The following LRRC2 variants were observed in gnomAD, a reference collection of about 807,000 sequenced individuals.
LRRC2 encodes leucine rich repeat containing 2, also known as leucine-rich repeat-containing protein 2.
LRRC2 carries 27 observed loss-of-function variants against 40.2 expected under a neutral mutation model. The ratio of observed to expected loss-of-function variants is 0.67; its 90% CI spans 0.49 to 0.93. The LOEUF is 0.93. Ranked by LOEUF, LRRC2 falls within the 40% of genes least tolerant of loss-of-function variation. The pLI, the probability that LRRC2 is intolerant of heterozygous loss-of-function variation, is 0.00. For missense variants in LRRC2, 402 were observed against 439.6 expected, an observed-to-expected ratio of 0.91 and a Z score of 0.76; for synonymous variants, 147 against 158.9, an observed-to-expected ratio of 0.92 and a Z score of 0.56.
At chr3:46,525,005 A>G (rs1347793070) in intron 7 of LRRC2, among the ~76,000 whole-genome samples, 5 of 151,940 alleles carry the variant, frequency 3.3e-5, no homozygotes, top group African/African-American at 9.7e-5. Context: ...TTCTCTTCCA[A>G]TAACTCACCT....
At chr3:46,565,233 G>A (rs1482073456) in intron 1 of LRRC2, among the ~76,000 whole-genome samples, 4 of 152,150 alleles carry the variant, frequency 2.6e-5, no homozygotes, top group South Asian at 2.1e-4. Context: ...CTGCCTGGGC[G>A]GGAGCCCTGC....
intron 4 of LRRC2, among the ~76,000 whole-genome samples, chr3:46,535,838 G>A (rs1198023419): frequency 6.6e-6 from 1 of 152,140 alleles, no homozygotes; most frequent in Non-Finnish European, 1.5e-5. Flanking sequence ...AATGGCTAGT[G>A]AATGCCAGGG....
At chr3:46,557,208 G>T (rs558712908) in intron 1 of LRRC2, among the ~76,000 whole-genome samples, 1 of 152,032 alleles carries the variant, frequency 6.6e-6, no homozygotes, top group Non-Finnish European at 1.5e-5. Context: ...GTAAATGGCC[G>T]GTCCTTGCCT....
chr3:46,532,998 T>C, intron 4 of LRRC2, 89 bp from the exon 5 acceptor site: 1 of 1,294,848 alleles, frequency 7.7e-7, no homozygotes, highest in Non-Finnish European at 1.1e-6. Context: ...AACAGCTCTG[T>C]AAATAATGAT....
chr3:46,533,795 C>CTTTG (rs1271091101), intron 4 of LRRC2, among the ~76,000 whole-genome samples: 31 of 130,358 alleles, frequency 2.4e-4, no homozygotes, highest in Non-Finnish European at 3.9e-4. Flanking sequence ...TTCTTTCTTT[C>CTTTG]TTTGTTTCTT....
At chr3:46,538,722 G>C (rs1018765889) in intron 4 of LRRC2, among the ~76,000 whole-genome samples, 2 of 152,166 alleles carry the variant, frequency 1.3e-5, no homozygotes, top group African/African-American at 4.8e-5. Flanking sequence ...TTTCTAATAA[G>C]CATACTGCAC....
intron 4 of LRRC2, among the ~76,000 whole-genome samples, chr3:46,537,506 C>G (rs1704292826): frequency 6.6e-6 from 1 of 152,194 alleles, no homozygotes. Context: ...AATCTGGCTT[C>G]TAGCCCAGGC....
intron 8 of LRRC2, among the ~76,000 whole-genome samples, 191 bp from the exon 9 acceptor site, chr3:46,519,254 C>G (rs13099992): frequency 0.065 from 9,820 of 152,242 alleles, 472 homozygotes; most frequent in South Asian, 0.17. Flanking sequence ...CACAAATGTG[C>G]AGTCAAACTT....
chr3:46,529,653 G>A (rs566095395), intron 6 of LRRC2, among the ~76,000 whole-genome samples: 1 of 152,268 alleles, frequency 6.6e-6, no homozygotes, highest in South Asian at 2.1e-4. Flanking sequence ...ATTCTACGGA[G>A]ACTAAAGCAA....
rs146766759 is a variant in LRRC2, at chr3:46,521,584, C to A, written c.1004G>T (p.Arg335Leu). The A allele has an allele frequency of 1.2e-4, 196 of 1,612,938 alleles. 1 individual carries two copies. In the African/African-American group the frequency reaches 2.4e-3, roughly 20 times the overall value. Reference sequence around the variant, plus strand: ...TTCTTTATCAAAATGTTGGCGATCCCGTTCACTTTCCATTATTTCATTGCC... The same window carrying A: ...TTCTTTATCAAAATGTTGGCGATCCAGTTCACTTTCCATTATTTCATTGCC... ...EDGNEIMESERDRQHFDKEVM... is the reference protein window; with the variant it reads ...EDGNEIMESELDRQHFDKEVM... The change falls in exon 8 of 9, where the codon CGG becomes CTG. Residue 335 changes from arginine (R) to leucine (L), a missense_variant. Arg to Leu is a moderately radical substitution (Grantham distance 102). Coordinates refer to ENST00000395905, the MANE Select transcript of LRRC2 (RefSeq NM_024512.5).
intron 2 of LRRC2, among the ~76,000 whole-genome samples, chr3:46,548,767 C>A (rs962394141): frequency 6.6e-6 from 1 of 152,152 alleles, no homozygotes; most frequent in African/African-American, 2.4e-5. Flanking sequence ...TCATGGAAGA[C>A]AATTTTTCCA....
At chr3:46,528,344 T>C (rs1277743985) in intron 6 of LRRC2, among the ~76,000 whole-genome samples, 1 of 152,032 alleles carries the variant, frequency 6.6e-6, no homozygotes, top group Non-Finnish European at 1.5e-5. Flanking sequence ...TGGCCTAGCC[T>C]TGTCTTGAAC....
chr3:46,517,129 T>C lies in LRRC2; in HGVS notation c.*1885A>G, dbSNP rs974374358. ...GTGCTCAAGAATCACATGTGTCTGG[T>C]TTACCACGTTGGACAACGCAAATAC... is the stretch of plus-strand genomic sequence containing the variant. On this transcript the variant is annotated 3_prime_UTR_variant, in exon 9 of 9. Coordinates refer to ENST00000395905, the MANE Select transcript of LRRC2 (RefSeq NM_024512.5). 6.6e-6 allele frequency: 1 copy of C among 152,138 alleles called. No homozygotes were observed. Among genetic ancestry groups the C allele is most frequent in the Non-Finnish European group, 1.5e-5 (1 of 68,036 alleles). The allele number at this position is 152,138 out of a possible 1,614,324, so 9.4% of individuals were successfully genotyped here.
In LRRC2 at chr3:46,525,463, C is replaced by T. The variant is rs181724973; in HGVS notation, c.929+1963G>A. Among the ~76,000 whole-genome samples the T allele has an allele frequency of 5.3e-4, 80 of 152,096 alleles. 1 individual carries two copies. Among genetic ancestry groups the T allele is most frequent in the Non-Finnish European group, 1.3e-4 (9 of 67,994 alleles). ...ACAGTATCTCGCTATGTTACCCACA[C>T]CGATCTCGAACTCCTGAGCTAAAGC... On this transcript the variant is annotated intron_variant, in intron 7 of 8. Transcript: ENST00000395905.
At chr3:46,525,241 A>T (rs114127275) in intron 7 of LRRC2, among the ~76,000 whole-genome samples, 14,108 of 146,796 alleles carry the variant, frequency 0.096, 956 homozygotes, top group Non-Finnish European at 0.14. Context: ...GGCACATGCC[A>T]CCATGCCAGG....
intron 1 of LRRC2, among the ~76,000 whole-genome samples, chr3:46,556,908 A>T (rs1466803372): frequency 6.6e-6 from 1 of 152,136 alleles, no homozygotes; most frequent in African/African-American, 2.4e-5. Context: ...TTTTTTCTGC[A>T]TTACACTCTT....
chr3:46,543,649 T>TAATAATAATAAA (rs1163055791), intron 3 of LRRC2, among the ~76,000 whole-genome samples: 1 of 136,240 alleles, frequency 7.3e-6, no homozygotes, highest in Non-Finnish European at 1.6e-5. Context: ...ATAATAATAA[T>TAATAATAATAAA]AAATAATAAA....
At chr3:46,555,310 T>C (rs757037628) in intron 1 of LRRC2, among the ~76,000 whole-genome samples, 27 of 152,148 alleles carry the variant, frequency 1.8e-4, no homozygotes, top group Non-Finnish European at 3.7e-4. Context: ...ATTCTGACTA[T>C]CTCTATCTTT....
At chr3:46,538,028 T>C (rs974401415) in intron 4 of LRRC2, among the ~76,000 whole-genome samples, 9 of 152,358 alleles carry the variant, frequency 5.9e-5, no homozygotes, top group Non-Finnish European at 2.9e-5. Flanking sequence ...TACATGCATA[T>C]GCATCCCCAA....
Sources: allele counts gnomAD v4.1 joint callset (sites outside exome capture counted in the v4.1 genomes callset), GRCh38; gene constraint gnomAD v4.1.1; transcripts MANE v1.5; gene names NCBI Gene and HGNC (gene_info 2026-07-23, HGNC 2026-07-21).